Variants in UVRAG observed in about 807,000 individuals in gnomAD.
UVRAG encodes the protein UV radiation resistance associated, also known as UV radiation resistance-associated gene protein.
In UVRAG, 19 loss-of-function variants were observed where a neutral mutation model predicts 78.0. That is an observed-to-expected ratio of 0.24 (90% CI 0.17 to 0.36). The LOEUF is 0.36. Among genes scored for constraint, UVRAG ranks in the 10% least tolerant of loss-of-function variants. UVRAG has a pLI of 1.00. For missense variants in UVRAG, 740 were observed against 853.8 expected, an observed-to-expected ratio of 0.87 and a Z score of 1.66; for synonymous variants, 323 against 324.6, an observed-to-expected ratio of 1.00 and a Z score of 0.05.
At chr11:76,001,612 G>T (rs1030468267) in intron 8 of UVRAG, among the ~76,000 whole-genome samples, 2 of 152,110 alleles carry the variant, frequency 1.3e-5, no homozygotes, top group Non-Finnish European at 2.9e-5. Flanking sequence ...AATGAGAGGG[G>T]ACATCACTAC....
At chr11:76,096,661 T>A (rs1015838690) in intron 13 of UVRAG, among the ~76,000 whole-genome samples, 17 of 152,170 alleles carry the variant, frequency 1.1e-4, no homozygotes, top group African/African-American at 4.1e-4. Context: ...GAATGCCTTT[T>A]AAGTTATGCT....
chr11:76,074,316 G>A (rs1349767307), intron 13 of UVRAG, among the ~76,000 whole-genome samples: 1 of 152,150 alleles, frequency 6.6e-6, no homozygotes, highest in Non-Finnish European at 1.5e-5. Flanking sequence ...AGACACATGT[G>A]TCATTTCCCC....
At chr11:75,975,488 C>T (rs1949220006) in intron 7 of UVRAG, among the ~76,000 whole-genome samples, 2 of 152,154 alleles carry the variant, frequency 1.3e-5, no homozygotes, top group African/African-American at 4.8e-5. Context: ...TTGATTCTTC[C>T]TATCCATGAG....
At chr11:75,986,021 A>G (rs958378178) in intron 8 of UVRAG, among the ~76,000 whole-genome samples, 19 of 152,166 alleles carry the variant, frequency 1.2e-4, no homozygotes, top group African/African-American at 4.3e-4. Flanking sequence ...TGTCATTTTC[A>G]TGTGAATTTC....
chr11:75,951,579 T>C (rs544949476), intron 6 of UVRAG, among the ~76,000 whole-genome samples: 1 of 152,244 alleles, frequency 6.6e-6, no homozygotes. Flanking sequence ...ACAGTGTTTC[T>C]CAATGTTAGT....
At chr11:76,082,714 T>A (rs866791835) in intron 13 of UVRAG, among the ~76,000 whole-genome samples, 2 of 152,116 alleles carry the variant, frequency 1.3e-5, no homozygotes, top group Admixed American at 1.3e-4. Context: ...GCTTAAGCAT[T>A]GTCTTAGCTT....
Position 75,880,487 on chromosome 11 carries a change from T to G in UVRAG, c.432+447T>G, listed in dbSNP as rs143115553. Reference sequence around the variant, plus strand: ...TATTGAGCACAGGATGACACCTGCTTGGATTATTTGCTGCCACTGGTTCTC... The same window carrying G: ...TATTGAGCACAGGATGACACCTGCTGGGATTATTTGCTGCCACTGGTTCTC... On this transcript the variant is annotated intron_variant, in intron 4 of 14. Transcript: ENST00000356136. 3.4e-3 allele frequency among the ~76,000 whole-genome samples: 519 copies of G among 152,332 alleles called. 3 individuals are homozygous for G. Among genetic ancestry groups the G allele is most frequent in the African/African-American group, 0.012 (493 of 41,572 alleles).
At chr11:75,820,971 T>C (rs536835030) in intron 1 of UVRAG, among the ~76,000 whole-genome samples, 2 of 152,304 alleles carry the variant, frequency 1.3e-5, no homozygotes, top group African/African-American at 4.8e-5. Context: ...TTAAATAATT[T>C]TTAAGTATAC....
chr11:75,882,385 T>C (rs1946969307), intron 4 of UVRAG, among the ~76,000 whole-genome samples: 1 of 151,926 alleles, frequency 6.6e-6, no homozygotes, highest in Non-Finnish European at 1.5e-5. Flanking sequence ...CAGCGGCATG[T>C]GCCTGTAATC....
chr11:76,001,196 A>AT (rs1296213455), intron 8 of UVRAG, among the ~76,000 whole-genome samples: 7 of 152,244 alleles, frequency 4.6e-5, no homozygotes, highest in African/African-American at 1.7e-4. Flanking sequence ...TGTCTGGAAA[A>AT]TTCCAAATAT....
rs780814440 is a variant in UVRAG, at chr11:75,983,403, G to T, written c.716G>T (p.Cys239Phe). Residue 239 changes from cysteine to phenylalanine, a missense_variant, in exon 8 of 15, where the codon TGC (cysteine) becomes TTC (phenylalanine). By Grantham distance (205) the Cys-to-Phe change is radical (BLOSUM62 -2). Transcript: ENST00000356136. ...TTTATTTAGAAAAAAAAAAGTGAAT[G>T]CCTGCAGTTAAAAATTTTGGTGCTT... ...TSNELKKKSE[C>F]LQLKILVLQN... 21 of 1,597,658 alleles carry T rather than the reference G, an allele frequency of 1.3e-5. No homozygotes were observed. The South Asian group carries it at 2.1e-4, about 16-fold the overall frequency.
At chr11:75,981,503 T>G (rs1949392555) in intron 7 of UVRAG, among the ~76,000 whole-genome samples, 1 of 152,000 alleles carries the variant, frequency 6.6e-6, no homozygotes, top group Non-Finnish European at 1.5e-5. Context: ...TAGGCTGAAG[T>G]ACAATGGCAT....
At chr11:75,850,671 G>A (rs927854069) in intron 1 of UVRAG, among the ~76,000 whole-genome samples, 2 of 152,216 alleles carry the variant, frequency 1.3e-5, no homozygotes, top group African/African-American at 2.4e-5. Context: ...TGTTTTTAAA[G>A]TTTTGACTGA....
chr11:76,001,213 A>G (rs114222081), intron 8 of UVRAG, among the ~76,000 whole-genome samples: 1,692 of 152,358 alleles, frequency 0.011, 31 homozygotes, highest in African/African-American at 0.039. Flanking sequence ...ATATTCCACA[A>G]TTACACAATA....
rs576499862 is a variant in UVRAG at position 75,826,920 on chromosome 11, AT to A, written c.117+11397del. Reference sequence around the variant, plus strand: ...CTTATTGATTGAGAGGCTGAGACTGATAATGCTGAAGTTGAGCATCAGAACT... The same window carrying A: ...CTTATTGATTGAGAGGCTGAGACTGAAATGCTGAAGTTGAGCATCAGAACT... On this transcript the variant is annotated intron_variant, in intron 1 of 14. Coordinates refer to ENST00000356136, the MANE Select transcript of UVRAG (RefSeq NM_003369.4). Among the ~76,000 whole-genome samples the A allele has an allele frequency of 1.1e-4, 17 of 152,302 alleles. No homozygotes were observed. In the East Asian group the frequency reaches 3.1e-3, roughly 28 times the overall value.
chr11:76,036,700 CAAG>C (rs1332245718), intron 12 of UVRAG, among the ~76,000 whole-genome samples: 1 of 149,000 alleles, frequency 6.7e-6, no homozygotes, highest in Non-Finnish European at 1.5e-5. Context: ...GAAGACATGG[CAAG>C]AAAGAAATAT....
In UVRAG at chr11:76,109,532, G is replaced by T. The variant is rs568424920; in HGVS notation, c.1306-6392G>T. ...ATTGTTGGTCCTGTTTATAGACAAG[G>T]CATAGATTGGTTATGTAACTTGCTC... On this transcript the variant is annotated intron_variant, in intron 13 of 14. Transcript: ENST00000356136. Among the ~76,000 whole-genome samples the T allele has an allele frequency of 4.6e-5, 7 of 152,260 alleles. No homozygotes were observed. In the South Asian group the frequency reaches 1.5e-3, roughly 32 times the overall value.
At chr11:76,132,084 T>C (rs1952522178) in intron 14 of UVRAG, among the ~76,000 whole-genome samples, 1 of 152,252 alleles carries the variant, frequency 6.6e-6, no homozygotes, top group Non-Finnish European at 1.5e-5. Context: ...CTGTCGTTGC[T>C]CTGCATTATT....
At chr11:75,981,561 C>T (rs1007878887) in intron 7 of UVRAG, among the ~76,000 whole-genome samples, 2 of 152,122 alleles carry the variant, frequency 1.3e-5, no homozygotes, top group African/African-American at 4.8e-5. Flanking sequence ...AATAATCCTC[C>T]TGCCTCAGCC....
Sources: gnomAD v4.1 joint callset for allele counts (sites outside exome capture counted in the v4.1 genomes callset) on GRCh38, gnomAD v4.1.1 for gene constraint, MANE v1.5 for transcripts, NCBI Gene and HGNC (gene_info 2026-07-23, HGNC 2026-07-21) for gene names.